DIPK2B: variants seen among roughly 807,000 people sequenced by gnomAD.
DIPK2B encodes the protein divergent protein kinase domain 2B.
DIPK2B carries 15 observed loss-of-function variants against 22.2 expected under a neutral mutation model. That is an observed-to-expected ratio of 0.68 (90% CI 0.45 to 1.04). The LOEUF (loss-of-function observed/expected upper bound fraction) is 1.04, where lower values mean the gene tolerates loss of function less well. Ranked by LOEUF, DIPK2B falls within the 50% of genes least tolerant of loss-of-function variation. The probability of loss-of-function intolerance (pLI) is 0.00; values close to 1 mark genes in which losing one functional copy is unlikely to be tolerated. For missense variants in DIPK2B, 345 were observed against 348.3 expected (o/e 0.99, Z 0.08); for synonymous variants, 163 against 153.2 (o/e 1.06, Z -0.47).
intron 2 of DIPK2B, among the ~76,000 whole-genome samples, chrX:45,178,602 TG>T (rs2047131842): frequency 8.9e-6 from 1 of 111,826 alleles, no homozygotes; most frequent in African/African-American, 3.3e-5. Flanking sequence ...AGTGCAGGTT[TG>T]TGCTAGGTAA....
At chrX:45,198,846 G>T (rs998656778) in intron 1 of DIPK2B, among the ~76,000 whole-genome samples, 4 of 111,284 alleles carry the variant, frequency 3.6e-5, no homozygotes, top group Non-Finnish European at 3.8e-5. Flanking sequence ...ATTTCCTCTC[G>T]CATAGTGTTG....
intron 2 of DIPK2B, chrX:45,164,339 C>A (rs2047036987): frequency 4.2e-6 from 4 of 957,789 alleles, no homozygotes; most frequent in Admixed American, 2.7e-5. Flanking sequence ...CTGTTAAATG[C>A]AAATGGCAGA....
intron 1 of DIPK2B, among the ~76,000 whole-genome samples, chrX:45,196,930 G>T (rs937145749): frequency 1.8e-5 from 2 of 112,270 alleles, no homozygotes; most frequent in African/African-American, 6.5e-5. Context: ...AAAGGTCAAT[G>T]GTTGAGTATG....
At chrX:45,168,117 TAAG>T (rs1259825161) in intron 2 of DIPK2B, among the ~76,000 whole-genome samples, 1 of 112,921 alleles carries the variant, frequency 8.9e-6, no homozygotes, top group African/African-American at 3.2e-5. Flanking sequence ...GAGGAAAATC[TAAG>T]TAGATAGCTC....
At chrX:45,190,019 G>C (rs2047202897) in intron 2 of DIPK2B, among the ~76,000 whole-genome samples, 1 of 112,050 alleles carries the variant, frequency 8.9e-6, no homozygotes, top group Non-Finnish European at 1.9e-5. Context: ...TGCATGTAAT[G>C]CAAGATGACA....
chrX:45,182,696 G>A (rs757188329), intron 2 of DIPK2B, among the ~76,000 whole-genome samples: 1 of 113,471 alleles, frequency 8.8e-6, no homozygotes, highest in Non-Finnish European at 1.9e-5. Context: ...ACACACTGCA[G>A]TGAAAAAGAA....
intron 3 of DIPK2B, among the ~76,000 whole-genome samples, chrX:45,155,447 T>C (rs923837506): frequency 2.8e-5 from 3 of 105,845 alleles, no homozygotes; most frequent in African/African-American, 1.0e-4. Context: ...TATATATATA[T>C]ATATTTATAT....
intron 2 of DIPK2B, among the ~76,000 whole-genome samples, chrX:45,175,580 C>T (rs1306588118): frequency 6.1e-5 from 6 of 97,773 alleles, no homozygotes; most frequent in South Asian, 5.2e-4. Flanking sequence ...AATATATATA[C>T]GTATATGTTT....
chrX:45,167,981 G>A (rs1016558139), intron 2 of DIPK2B, among the ~76,000 whole-genome samples: 11 of 112,441 alleles, frequency 9.8e-5, no homozygotes, highest in Non-Finnish European at 9.4e-5. Flanking sequence ...CACTGTGCCC[G>A]GCCCAGAGTG....
At chrX:45,154,890 G>A (rs1452168515) in intron 3 of DIPK2B, among the ~76,000 whole-genome samples, 1 of 110,952 alleles carries the variant, frequency 9.0e-6, no homozygotes, top group Admixed American at 9.6e-5. Context: ...GTTCACTGCA[G>A]CCTCAAACTC....
intron 2 of DIPK2B, among the ~76,000 whole-genome samples, chrX:45,161,670 G>T (rs7891444): frequency 0.11 from 12,066 of 112,070 alleles, 1,511 homozygotes; most frequent in African/African-American, 0.36. Context: ...TTAGGAAGAC[G>T]CAGTGATTGA....
intron 2 of DIPK2B, among the ~76,000 whole-genome samples, chrX:45,188,241 G>T (rs758877546): frequency 1.1e-3 from 127 of 112,150 alleles, no homozygotes; most frequent in Middle Eastern, 4.6e-3. Flanking sequence ...TCACTCAGAG[G>T]TTTCATCTCT....
Position 45,151,780 on chromosome X carries a change from T to A in DIPK2B, c.1174A>T (p.Ser392Cys). 1.7e-6 allele frequency: 2 copies of A among 1,212,098 alleles called. No individual in the cohort carries two copies. Among genetic ancestry groups the A allele is most frequent in the Non-Finnish European group, 2.2e-6 (2 of 895,514 alleles). Residue 392 changes from serine to cysteine, a missense_variant, in exon 5 of 5, where the codon AGC (serine) becomes TGC (cysteine). By Grantham distance (112) the Ser-to-Cys change is moderately radical. Transcript: ENST00000398000. ...AGGACTTCTGGGTCTGGGCGGATGCTGTCCCCACACTGAACAAGGATGGAG... is the reference window on the plus strand; with the variant it reads ...AGGACTTCTGGGTCTGGGCGGATGCAGTCCCCACACTGAACAAGGATGGAG... ...IDSILVQCGDSIRPDPEVLGA... is the reference protein window; with the variant it reads ...IDSILVQCGDCIRPDPEVLGA...
At chrX:45,181,971 G>A (rs754129105) in intron 2 of DIPK2B, among the ~76,000 whole-genome samples, 1 of 109,904 alleles carries the variant, frequency 9.1e-6, no homozygotes, top group South Asian at 4.0e-4. Flanking sequence ...CAGCTACTTG[G>A]GAGGCTGAAG....
chrX:45,192,506 T>C (rs2047218204), intron 1 of DIPK2B, among the ~76,000 whole-genome samples: 1 of 111,051 alleles, frequency 9.0e-6, no homozygotes, highest in Non-Finnish European at 1.9e-5. Flanking sequence ...TTCCCCAAAC[T>C]GCTTACCCTC....
chrX:45,184,088 G>A (rs1243733228), intron 2 of DIPK2B, among the ~76,000 whole-genome samples: 2 of 111,708 alleles, frequency 1.8e-5, no homozygotes, highest in African/African-American at 6.5e-5. Context: ...GGTTTCAGTT[G>A]ACATAACATT....
chrX:45,186,190 A>G (rs753083977), intron 2 of DIPK2B, among the ~76,000 whole-genome samples: 2 of 111,965 alleles, frequency 1.8e-5, no homozygotes, highest in African/African-American at 3.3e-5. Context: ...AGTTGTTTCA[A>G]CTCTGAACAT....
chrX:45,154,966 T>C (rs751501289), intron 3 of DIPK2B, among the ~76,000 whole-genome samples: 6 of 111,738 alleles, frequency 5.4e-5, no homozygotes, highest in Admixed American at 1.9e-4. Context: ...CGTGCCACCA[T>C]GCCTGGCTAC....
At chrX:45,187,169 C>T (rs2047187781) in intron 2 of DIPK2B, among the ~76,000 whole-genome samples, 1 of 111,580 alleles carries the variant, frequency 9.0e-6, no homozygotes, top group South Asian at 3.7e-4. Flanking sequence ...CAGATCGGAT[C>T]GTAGTTGAGG....
Sources: gnomAD v4.1 joint callset for allele counts (sites outside exome capture counted in the v4.1 genomes callset) on GRCh38, gnomAD v4.1.1 for gene constraint, MANE v1.5 for transcripts, NCBI Gene and HGNC (gene_info 2026-07-23, HGNC 2026-07-21) for gene names.